The following DNAH11 variants were observed in gnomAD, a reference collection of about 807,000 sequenced individuals.
DNAH11 encodes the protein dynein axonemal heavy chain 11.
In DNAH11, 442 loss-of-function variants were observed where a neutral mutation model predicts 526.0. The observed-to-expected ratio is 0.84, with a 90% CI of 0.78 to 0.91. DNAH11 has a LOEUF of 0.91. Ranked by LOEUF, DNAH11 falls within the 40% of genes least tolerant of loss-of-function variation. The probability of loss-of-function intolerance (pLI) is 0.00; values close to 1 mark genes in which losing one functional copy is unlikely to be tolerated. For synonymous variants in DNAH11, 2,461 were observed against 1,935.9 expected, an observed-to-expected ratio of 1.27 and a Z score of -7.12; for missense variants, 6,989 against 5,448.7, an observed-to-expected ratio of 1.28 and a Z score of -8.90.
chr7:21,755,481 G>A (rs1243363146), intron 54 of DNAH11, among the ~76,000 whole-genome samples: 1 of 151,750 alleles, frequency 6.6e-6, no homozygotes, highest in African/African-American at 2.4e-5. Context: ...CAAGATTTTA[G>A]ATATTTGCCT....
At chr7:21,812,564 G>C (rs1789575514) in intron 63 of DNAH11, among the ~76,000 whole-genome samples, 1 of 151,954 alleles carries the variant, frequency 6.6e-6, no homozygotes, top group Non-Finnish European at 1.5e-5. Context: ...TGAGGAGGGA[G>C]GATCACTTGA....
intron 76 of DNAH11, among the ~76,000 whole-genome samples, chr7:21,888,199 T>C (rs1784200534): frequency 6.6e-6 from 1 of 152,166 alleles, no homozygotes; most frequent in African/African-American, 2.4e-5. Flanking sequence ...GATAATTCAA[T>C]CTTGAGTAAT....
intron 65 of DNAH11, among the ~76,000 whole-genome samples, chr7:21,827,673 G>GAC (rs1790365654): frequency 7.6e-6 from 1 of 132,196 alleles, no homozygotes; most frequent in Non-Finnish European, 1.6e-5. Context: ...CAGAAATAGA[G>GAC]GGAGATGGCA....
rs187928405 is a variant in DNAH11, at chr7:21,779,953, T to C, written c.9483+849T>C. Among the ~76,000 whole-genome samples the C allele has an allele frequency of 9.0e-4, 137 of 152,316 alleles. 1 individual carries two copies. Among genetic ancestry groups the C allele is most frequent in the African/African-American group, 3.2e-3 (131 of 41,568 alleles). On this transcript the variant is annotated intron_variant, in intron 57 of 81. Coordinates refer to ENST00000409508, the MANE Select transcript of DNAH11 (RefSeq NM_001277115.2). The stretch of plus-strand genomic sequence containing the variant: ...GGTAGTGATTATGCCATTTTTCTTG[T>C]ATTTTATGTTACCTGAAAATATTTG...
At chr7:21,664,335 A>G (rs1484433926) in intron 30 of DNAH11, among the ~76,000 whole-genome samples, 2 of 151,754 alleles carry the variant, frequency 1.3e-5, no homozygotes. Context: ...GGTTATCTTT[A>G]TGTCTGGTTT....
intron 54 of DNAH11, among the ~76,000 whole-genome samples, chr7:21,752,057 C>G (rs181169250): frequency 6.6e-6 from 1 of 152,340 alleles, no homozygotes; most frequent in Non-Finnish European, 1.5e-5. Context: ...CAAGCCAGAC[C>G]TCCTGAAGCA....
At chr7:21,681,738 C>T (rs766899510) in intron 31 of DNAH11, 61 bp downstream of exon 31, 5 of 1,586,928 alleles carry the variant, frequency 3.2e-6, no homozygotes, top group African/African-American at 1.3e-5. Flanking sequence ...GTGTTTATTG[C>T]CAGAGTAGTT....
intron 30 of DNAH11, among the ~76,000 whole-genome samples, chr7:21,678,928 C>A (rs943744459): frequency 6.6e-6 from 1 of 152,106 alleles, no homozygotes; most frequent in African/African-American, 2.4e-5. Context: ...TATGTGCACT[C>A]CCGTGTTCAT....
Position 21,773,844 on chromosome 7 carries a change from C to T in DNAH11, c.9181C>T (p.Gln3061Ter). The T allele has an allele frequency of 6.2e-7, 1 of 1,608,628 alleles. No homozygotes were observed. The highest frequency in any genetic ancestry group is 2.2e-5 in the East Asian group (1 of 44,676). ...AAATGAAATGAGTACCAGATATTAC[C>T]AGAATGAGAGAAGACACAACTATAC... Reference protein sequence around the residue: ...TVNEMSTRYYQNERRHNYTTP... With the variant: ...TVNEMSTRYY Residue 3061 changes from glutamine to a stop codon, truncating the protein, a stop_gained, in exon 56 of 82, where the codon CAG (glutamine) becomes TAG (stop). Transcript: ENST00000409508. LOFTEE classifies it high-confidence loss of function.
At chr7:21,788,610 C>A (rs1350601381) in intron 60 of DNAH11, among the ~76,000 whole-genome samples, 4 of 152,122 alleles carry the variant, frequency 2.6e-5, no homozygotes, top group African/African-American at 9.7e-5. Flanking sequence ...CACCTAAATT[C>A]TCAGATGGTC....
At position 21,725,787 on chromosome 7, in the gene DNAH11, A is replaced by G. The variant is rs553223943; in HGVS notation, c.7267-24A>G. 2.5e-6 allele frequency: 4 copies of G among 1,594,970 alleles called. No individual in the cohort carries two copies. In the African/African-American group the frequency reaches 5.4e-5, roughly 21 times the overall value. On this transcript the variant is annotated intron_variant, in intron 44 of 81. Coordinates refer to ENST00000409508, the MANE Select transcript of DNAH11 (RefSeq NM_001277115.2). ...GTTTTAATTACTTTGAGTCTGCAATAAGGATTTCTTTTGTTCTCCTTAGAT... is the reference window on the plus strand; with the variant it reads ...GTTTTAATTACTTTGAGTCTGCAATGAGGATTTCTTTTGTTCTCCTTAGAT...
At chr7:21,773,010 T>C (rs1787506552) in intron 55 of DNAH11, among the ~76,000 whole-genome samples, 1 of 152,252 alleles carries the variant, frequency 6.6e-6, no homozygotes, top group Non-Finnish European at 1.5e-5. Context: ...TTAATTCATA[T>C]TAATTGATTT....
intron 60 of DNAH11, 116 bp from the exon 61 acceptor site, chr7:21,789,125 T>TA (rs11412202): frequency 0.24 from 177,906 of 753,328 alleles, 22,995 homozygotes; most frequent in Admixed American, 0.39. Flanking sequence ...CCCATCTCAA[T>TA]AAAAAAAGAG....
At chr7:21,877,922 A>T (rs1297623437) in intron 74 of DNAH11, among the ~76,000 whole-genome samples, 2 of 151,296 alleles carry the variant, frequency 1.3e-5, no homozygotes, top group Non-Finnish European at 2.9e-5. Context: ...AAGATGTAGT[A>T]AAGGAGTACT....
intron 25 of DNAH11, among the ~76,000 whole-genome samples, 185 bp downstream of exon 25, chr7:21,620,263 G>A (rs1190275367): frequency 6.6e-6 from 1 of 151,874 alleles, no homozygotes; most frequent in African/African-American, 2.4e-5. Flanking sequence ...TCTCCTTTAG[G>A]AATTTTGAAA....
chr7:21,733,261 G>A lies in DNAH11; in HGVS notation c.7441-2379G>A, dbSNP rs181289083. On this transcript the variant is annotated intron_variant, in intron 45 of 81. Transcript: ENST00000409508. ...AAATTAGCTGGGTATGGTGGCAGGC[G>A]CCTGTAATTTCAGCTACTTGGGAGG... Among the ~76,000 whole-genome samples the A allele has an allele frequency of 4.0e-3, 609 of 152,324 alleles. 1 individual carries two copies. The highest frequency in any genetic ancestry group is 0.014 in the African/African-American group (570 of 41,572).
Position 21,600,028 on chromosome 7 carries a change from A to G in DNAH11, c.2909A>G (p.Tyr970Cys), listed in dbSNP as rs200258739. ...SLDREAGDGF[Y>C]DLVEEMLCNS... ...GACAGAGAGGCTGGGGATGGCTTCT[A>G]TGATCTTGTAGAAGAAATGTTATGC... is the stretch of plus-strand genomic sequence containing the variant. Residue 970 changes from tyrosine (Y) to cysteine (C), a missense_variant, in exon 15 of 82, where the codon TAT becomes TGT. By Grantham distance (194) the Tyr-to-Cys change is radical. Coordinates refer to ENST00000409508, the MANE Select transcript of DNAH11 (RefSeq NM_001277115.2). 58 of 1,612,624 alleles carry G rather than the reference A, an allele frequency of 3.6e-5. No homozygotes were observed. The highest frequency in any genetic ancestry group is 9.3e-5 in the African/African-American group (7 of 74,880).
Position 21,805,426 on chromosome 7 carries a change from A to T in DNAH11, c.10166-2457A>T, listed in dbSNP as rs985380278. ...GGCATCACTAGATATTTGCTGAATG[A>T]ATGAGTTACTAAATGGGTGAGTTTT... On this transcript the variant is annotated intron_variant, in intron 62 of 81. Coordinates refer to ENST00000409508, the MANE Select transcript of DNAH11 (RefSeq NM_001277115.2). Among the ~76,000 whole-genome samples, 7 of 152,062 alleles carry T rather than the reference A, an allele frequency of 4.6e-5. No individual in the cohort carries two copies. In the South Asian group the frequency reaches 6.2e-4, roughly 14 times the overall value.
intron 28 of DNAH11, among the ~76,000 whole-genome samples, chr7:21,645,548 GAAATA>G (rs1787316630): frequency 6.6e-6 from 1 of 151,980 alleles, no homozygotes; most frequent in Non-Finnish European, 1.5e-5. Flanking sequence ...AAGAAGGAGA[GAAATA>G]AAATAAAACT....
Sources: gnomAD v4.1 joint callset for allele counts (sites outside exome capture counted in the v4.1 genomes callset) on GRCh38, gnomAD v4.1.1 for gene constraint, MANE v1.5 for transcripts, NCBI Gene and HGNC (gene_info 2026-07-23, HGNC 2026-07-21) for gene names.